The following PPP2R5E variants were observed in gnomAD, a reference collection of about 807,000 sequenced individuals.
PPP2R5E encodes serine/threonine-protein phosphatase 2A 56 kDa regulatory subunit epsilon isoform.
A neutral mutation model predicts 65.3 loss-of-function variants in PPP2R5E; 4 were observed. That is an observed-to-expected ratio of 0.06 (90% CI 0.03 to 0.14). PPP2R5E has a LOEUF of 0.14. Ranked by LOEUF, PPP2R5E falls within the 10% of genes least tolerant of loss-of-function variation. The pLI is 1.00. For synonymous variants in PPP2R5E, 183 were observed against 187.4 expected, an observed-to-expected ratio of 0.98 and a Z score of 0.19; for missense variants, 274 against 556.1, an observed-to-expected ratio of 0.49 and a Z score of 5.10.
chr14:63,482,453 C>T (rs775102410), intron 2 of PPP2R5E, among the ~76,000 whole-genome samples: 2 of 152,052 alleles, frequency 1.3e-5, no homozygotes, highest in East Asian at 1.9e-4. Flanking sequence ...AGTGGGACTC[C>T]GTCTTGGAAA....
intron 2 of PPP2R5E, among the ~76,000 whole-genome samples, chr14:63,478,190 G>A (rs983080717): frequency 5.9e-5 from 9 of 152,120 alleles, no homozygotes; most frequent in Non-Finnish European, 1.2e-4. Flanking sequence ...CACATCGAAT[G>A]ACAACTTGTG....
At chr14:63,414,580 A>G (rs1321459236) in intron 5 of PPP2R5E, among the ~76,000 whole-genome samples, 1 of 152,188 alleles carries the variant, frequency 6.6e-6, no homozygotes, top group East Asian at 1.9e-4. Context: ...AACATGCACA[A>G]TGAGGAGTCA....
intron 2 of PPP2R5E, among the ~76,000 whole-genome samples, chr14:63,503,011 C>A (rs1184695823): frequency 6.6e-6 from 1 of 152,142 alleles, no homozygotes; most frequent in East Asian, 1.9e-4. Flanking sequence ...ATATTATGCA[C>A]TGCACAACCT....
intron 3 of PPP2R5E, among the ~76,000 whole-genome samples, chr14:63,435,466 A>T (rs1431600454): frequency 6.6e-6 from 1 of 152,188 alleles, no homozygotes. Flanking sequence ...GCCCTCTGCC[A>T]CAGGCCATCC....
intron 3 of PPP2R5E, among the ~76,000 whole-genome samples, chr14:63,449,064 C>A (rs544422137): frequency 1.3e-5 from 2 of 152,332 alleles, no homozygotes; most frequent in African/African-American, 4.8e-5. Context: ...AATGCTGATA[C>A]TGTAACATGC....
intron 2 of PPP2R5E, among the ~76,000 whole-genome samples, chr14:63,523,310 G>A (rs77397479): frequency 4.6e-5 from 7 of 152,078 alleles, no homozygotes; most frequent in South Asian, 2.1e-4. Flanking sequence ...GATGGTTGCC[G>A]TGTTTGTGTA....
At chr14:63,462,500 A>C (rs1235164106) in intron 2 of PPP2R5E, among the ~76,000 whole-genome samples, 1 of 152,152 alleles carries the variant, frequency 6.6e-6, no homozygotes, top group Non-Finnish European at 1.5e-5. Context: ...ACCTCCATTC[A>C]AGCACTTGCT....
chr14:63,522,833 C>G (rs1265509638), intron 2 of PPP2R5E, among the ~76,000 whole-genome samples: 1 of 151,398 alleles, frequency 6.6e-6, no homozygotes, highest in Non-Finnish European at 1.5e-5. Flanking sequence ...CACCGCCAGG[C>G]CAGCCGCCCC....
At chr14:63,460,491 T>C (rs1566718631) in intron 2 of PPP2R5E, among the ~76,000 whole-genome samples, 2 of 152,220 alleles carry the variant, frequency 1.3e-5, no homozygotes. Context: ...TAGTTATTTG[T>C]TTAAGAGAAG....
intron 2 of PPP2R5E, among the ~76,000 whole-genome samples, chr14:63,472,231 C>T (rs768540758): frequency 1.3e-5 from 2 of 152,066 alleles, no homozygotes; most frequent in African/African-American, 2.4e-5. Context: ...ACCCAGGAGG[C>T]GGAGGTTGAA....
At chr14:63,412,877 G>C (rs1886478218) in intron 5 of PPP2R5E, among the ~76,000 whole-genome samples, 1 of 152,118 alleles carries the variant, frequency 6.6e-6, no homozygotes, top group Non-Finnish European at 1.5e-5. Flanking sequence ...CTGTTATAGA[G>C]AAAAAGAGTC....
chr14:63,465,450 C>CAAAAAAAAAAAAAA (rs1171345415), intron 2 of PPP2R5E, among the ~76,000 whole-genome samples: 10 of 47,380 alleles, frequency 2.1e-4, no homozygotes, highest in African/African-American at 7.7e-4. Flanking sequence ...TCCACCTCTA[C>CAAAAAAAAAAAAAA]AAAAAAAAAA....
chr14:63,415,904 G>A (rs148025046), intron 4 of PPP2R5E, among the ~76,000 whole-genome samples: 96 of 152,258 alleles, frequency 6.3e-4, no homozygotes, highest in African/African-American at 2.2e-3. Flanking sequence ...ATTTCTAAAT[G>A]TGGAATTGCT....
At position 63,399,366 on chromosome 14, in the gene PPP2R5E, C is replaced by CTTTTTTTTTTT. The variant is rs397814218; in HGVS notation, c.550-2661_550-2651dup. Among the ~76,000 whole-genome samples the CTTTTTTTTTTT allele has an allele frequency of 1.3e-3, 65 of 48,520 alleles. 11 individuals are homozygous for CTTTTTTTTTTT. Among genetic ancestry groups the CTTTTTTTTTTT allele is most frequent in the African/African-American group, 3.0e-3 (36 of 12,018 alleles). The allele number at this position is 48,520 out of a possible 152,430, so 31.8% of individuals were successfully genotyped here. A position where few individuals can be genotyped will look rare whatever the true frequency, so the allele number is the denominator to read the frequency against. On this transcript the variant is annotated intron_variant, in intron 5 of 13. Transcript: ENST00000337537. ...GCTACTAATAGGTCTGGATTTCTTTCTTTTTTTTTTTTTTTTTTTTTTTTT... is the reference window on the plus strand; with the variant it reads ...GCTACTAATAGGTCTGGATTTCTTTCTTTTTTTTTTTTTTTTTTTTTTTTTTTTTTTTTTTT...
At chr14:63,376,162 A>G in intron 13 of PPP2R5E, 54 bp from the exon 14 acceptor site, 1 of 1,242,592 alleles carries the variant, frequency 8.0e-7, no homozygotes, top group Non-Finnish European at 1.2e-6. Context: ...GAGATTATGC[A>G]ACAATGAATA....
intron 5 of PPP2R5E, among the ~76,000 whole-genome samples, chr14:63,402,382 A>T (rs1885804850): frequency 1.3e-5 from 2 of 152,204 alleles, no homozygotes; most frequent in African/African-American, 4.8e-5. Context: ...AGTTCTAAGC[A>T]ACTTTTCGGT....
intron 2 of PPP2R5E, among the ~76,000 whole-genome samples, chr14:63,477,952 C>T (rs536352125): frequency 1.3e-5 from 2 of 152,204 alleles, no homozygotes; most frequent in African/African-American, 2.4e-5. Flanking sequence ...ATTGCTCTTA[C>T]ACAAAACATG....
At chr14:63,421,824 T>C (rs958556544) in intron 4 of PPP2R5E, among the ~76,000 whole-genome samples, 169 bp downstream of exon 4, 5 of 152,198 alleles carry the variant, frequency 3.3e-5, no homozygotes, top group Non-Finnish European at 7.3e-5. Context: ...TTTTATTCTT[T>C]TGGCATTCTA....
chr14:63,440,897 C>T (rs948322111), intron 3 of PPP2R5E, among the ~76,000 whole-genome samples: 2 of 147,488 alleles, frequency 1.4e-5, no homozygotes, highest in African/African-American at 2.5e-5. Context: ...TGCAGTGAGC[C>T]GAGATCGCGC....
Sources: allele counts gnomAD v4.1 joint callset (sites outside exome capture counted in the v4.1 genomes callset), GRCh38; gene constraint gnomAD v4.1.1; transcripts MANE v1.5; gene names NCBI Gene and HGNC (gene_info 2026-07-23, HGNC 2026-07-21).